ZFAND3: variants seen among roughly 807,000 people sequenced by gnomAD.
ZFAND3 encodes AN1-type zinc finger protein 3.
A neutral mutation model predicts 29.6 loss-of-function variants in ZFAND3; 10 were observed. The observed-to-expected ratio is 0.34, with a 90% CI of 0.21 to 0.57. The LOEUF is 0.57. Among genes scored for constraint, ZFAND3 ranks in the 20% least tolerant of loss-of-function variants. The pLI, the probability that ZFAND3 is intolerant of heterozygous loss-of-function variation, is 0.86. For synonymous variants in ZFAND3, 128 were observed against 112.6 expected (o/e 1.14, Z -0.87); for missense variants, 230 against 304.5 (o/e 0.76, Z 1.82).
chr6:37,833,782 C>T (rs183620696), intron 1 of ZFAND3, among the ~76,000 whole-genome samples: 246 of 148,054 alleles, frequency 1.7e-3, no homozygotes, highest in Admixed American at 4.3e-3. Context: ...GCCAAGATTG[C>T]GCCACTGCAC....
chr6:37,915,999 C>T (rs1039341972), intron 1 of ZFAND3, among the ~76,000 whole-genome samples: 3 of 151,642 alleles, frequency 2.0e-5, no homozygotes, highest in Non-Finnish European at 2.9e-5. Flanking sequence ...AAACTCTTGA[C>T]CTCAGGTGAT....
chr6:37,924,312 CTTT>C (rs34276814), intron 1 of ZFAND3, among the ~76,000 whole-genome samples: 9,693 of 127,234 alleles, frequency 0.076, 370 homozygotes, highest in Non-Finnish European at 0.093. Flanking sequence ...TACTTAAGTG[CTTT>C]TTTTTTTTTT....
chr6:38,079,017 C>A (rs1228063403), intron 3 of ZFAND3, among the ~76,000 whole-genome samples: 1 of 152,152 alleles, frequency 6.6e-6, no homozygotes, highest in Non-Finnish European at 1.5e-5. Flanking sequence ...GGACAGAAAC[C>A]TGAAAACATT....
At chr6:38,144,203 AT>A (rs1188613780) in intron 5 of ZFAND3, among the ~76,000 whole-genome samples, 3 of 45,360 alleles carry the variant, frequency 6.6e-5, no homozygotes, top group African/African-American at 2.8e-4. Flanking sequence ...ATATATATAT[AT>A]ATATATAATA....
chr6:38,102,961 T>C lies in ZFAND3; in HGVS notation c.362-13611T>C, dbSNP rs142236427. 5.0e-3 allele frequency among the ~76,000 whole-genome samples: 758 copies of C among 152,306 alleles called. 9 individuals carry two copies. The highest frequency in any genetic ancestry group is 0.017 in the African/African-American group (700 of 41,568). ...TAGTAGAGATGGGGTTTCACCATGT[T>C]GGCCAGGCTGGTCTTGAACTCCTGA... On this transcript the variant is annotated intron_variant, in intron 4 of 5. Coordinates refer to ENST00000287218, the MANE Select transcript of ZFAND3 (RefSeq NM_021943.3).
chr6:38,015,510 T>G (rs940089209), intron 2 of ZFAND3, among the ~76,000 whole-genome samples: 6 of 152,322 alleles, frequency 3.9e-5, no homozygotes, highest in Non-Finnish European at 8.8e-5. Flanking sequence ...ATCATAGCAG[T>G]GTTTATGTTA....
intron 2 of ZFAND3, among the ~76,000 whole-genome samples, chr6:37,972,672 C>T (rs1762409948): frequency 6.6e-6 from 1 of 151,248 alleles, no homozygotes; most frequent in Non-Finnish European, 1.5e-5. Flanking sequence ...CCTCTCTTCC[C>T]TTTGTAAGGT....
chr6:38,070,020 G>A (rs760320882), intron 3 of ZFAND3, among the ~76,000 whole-genome samples: 2 of 152,106 alleles, frequency 1.3e-5, no homozygotes, highest in African/African-American at 2.4e-5. Flanking sequence ...ATATTCTAAC[G>A]TCACCACCAT....
intron 2 of ZFAND3, among the ~76,000 whole-genome samples, chr6:38,005,319 A>T (rs1017639070): frequency 6.6e-6 from 1 of 152,246 alleles, no homozygotes; most frequent in Non-Finnish European, 1.5e-5. Context: ...GGGTTTTAAT[A>T]TCTTTACCAA....
At chr6:38,114,879 C>A (rs1046282570) in intron 4 of ZFAND3, among the ~76,000 whole-genome samples, 1 of 152,144 alleles carries the variant, frequency 6.6e-6, no homozygotes, top group East Asian at 1.9e-4. Flanking sequence ...CATCAGTAAA[C>A]AAAGCAGGTG....
chr6:38,015,990 T>C (rs934984651), intron 2 of ZFAND3, among the ~76,000 whole-genome samples: 2 of 152,184 alleles, frequency 1.3e-5, no homozygotes, highest in Non-Finnish European at 2.9e-5. Context: ...AAATACATGA[T>C]TAGATACATT....
chr6:37,875,403 A>G (rs1468214661), intron 1 of ZFAND3, among the ~76,000 whole-genome samples: 1 of 152,150 alleles, frequency 6.6e-6, no homozygotes, highest in Non-Finnish European at 1.5e-5. Flanking sequence ...TTAGTACATG[A>G]TTACCAATAA....
At chr6:38,133,068 T>C (rs9470789) in intron 5 of ZFAND3, among the ~76,000 whole-genome samples, 4,955 of 152,292 alleles carry the variant, frequency 0.033, 214 homozygotes, top group African/African-American at 0.096. Context: ...TTTTTCTCAG[T>C]GAGGCCCTCA....
At chr6:38,054,030 A>T (rs1366323634) in intron 2 of ZFAND3, among the ~76,000 whole-genome samples, 30 of 151,798 alleles carry the variant, frequency 2.0e-4, no homozygotes, top group Non-Finnish European at 1.2e-4. Flanking sequence ...CATCATTAGG[A>T]TATATACAGG....
chr6:37,879,284 G>T (rs372429010), intron 1 of ZFAND3, among the ~76,000 whole-genome samples: 1 of 152,252 alleles, frequency 6.6e-6, no homozygotes, highest in East Asian at 1.9e-4. Context: ...AGCAAGAACA[G>T]GTTTCTGCTT....
intron 1 of ZFAND3, among the ~76,000 whole-genome samples, chr6:37,908,590 T>C (rs2127403939): frequency 6.7e-6 from 1 of 150,170 alleles, no homozygotes; most frequent in African/African-American, 2.4e-5. Flanking sequence ...GGGAGCTTCC[T>C]GATAGCTTAA....
intron 1 of ZFAND3, among the ~76,000 whole-genome samples, chr6:37,909,913 A>G (rs1156749431): frequency 6.6e-6 from 1 of 152,202 alleles, no homozygotes; most frequent in Non-Finnish European, 1.5e-5. Context: ...ATTCAAATTG[A>G]TAAAACTGAT....
chr6:37,933,168 A>G (rs1287557890), intron 2 of ZFAND3, among the ~76,000 whole-genome samples: 2 of 152,262 alleles, frequency 1.3e-5, no homozygotes, highest in South Asian at 4.1e-4. Context: ...ATATTGTAAA[A>G]TGTACAGTGT....
intron 2 of ZFAND3, among the ~76,000 whole-genome samples, chr6:38,047,391 A>G (rs913113696): frequency 6.6e-6 from 1 of 151,714 alleles, no homozygotes; most frequent in East Asian, 1.9e-4. Context: ...TTGGTCTGTG[A>G]TCTGTGATGC....
Sources: allele counts gnomAD v4.1 joint callset (sites outside exome capture counted in the v4.1 genomes callset), GRCh38; gene constraint gnomAD v4.1.1; transcripts MANE v1.5; gene names NCBI Gene and HGNC (gene_info 2026-07-23, HGNC 2026-07-21).